Variants in WDR3 observed in about 807,000 individuals in gnomAD.
WDR3 encodes WD repeat-containing protein 3.
Under a neutral mutation model 123.7 loss-of-function variants are expected in WDR3, and 81 were observed. The observed-to-expected ratio is 0.65, with a 90% CI of 0.55 to 0.79. The LOEUF (loss-of-function observed/expected upper bound fraction) is 0.79. Among genes scored for constraint, WDR3 ranks in the 30% least tolerant of loss-of-function variants. The pLI is 0.00. For missense variants in WDR3, 1,027 were observed against 1,123.2 expected (o/e 0.91, Z 1.22); for synonymous variants, 390 against 388.8 (o/e 1.00, Z -0.04).
chr1:117,933,676 A>G (rs982795934), intron 2 of WDR3, 186 bp downstream of exon 2: 1 of 716,504 alleles, frequency 1.4e-6, no homozygotes, highest in African/African-American at 1.8e-5. Flanking sequence ...TCGCCACTGA[A>G]TTCTGAAAAC....
intron 10 of WDR3, among the ~76,000 whole-genome samples, chr1:117,942,911 T>G (rs952401592): frequency 4.0e-5 from 6 of 151,116 alleles, no homozygotes; most frequent in Non-Finnish European, 7.4e-5. Context: ...TTTTTTTTTT[T>G]TTACTTAAAA....
rs967854725 is a variant in WDR3, at chr1:117,952,476, C to G, written c.2017-52C>G. On this transcript the variant is annotated intron_variant, in intron 18 of 26. Transcript: ENST00000349139. ...CTTTTAAGAATATTTACATTACCCA[C>G]TAAGTAGTGGTCAATGAATGAGGTA... The G allele has an allele frequency of 5.8e-5, 93 of 1,599,786 alleles. 2 individuals carry two copies. In the South Asian group the frequency reaches 1.0e-3, roughly 18 times the overall value.
intron 10 of WDR3, among the ~76,000 whole-genome samples, chr1:117,942,902 T>TTC: frequency 1.3e-5 from 2 of 151,026 alleles, no homozygotes; most frequent in East Asian, 3.9e-4. Context: ...TTTTTTTTTT[T>TTC]TTTTTTTTTT....
At chr1:117,952,740 G>A (rs1651677577) in intron 19 of WDR3, 78 bp downstream of exon 19, 1 of 1,556,966 alleles carries the variant, frequency 6.4e-7, no homozygotes, top group Non-Finnish European at 8.7e-7. Context: ...TCTGTCTAGT[G>A]CAGTTACACC....
At chr1:117,951,508 C>CTTTTTTTTTTTT (rs60053262) in intron 16 of WDR3, among the ~76,000 whole-genome samples, 1 of 128,794 alleles carries the variant, frequency 7.8e-6, no homozygotes, top group Non-Finnish European at 1.7e-5. Context: ...AAATGTATTT[C>CTTTTTTTTTTTT]TTTTTTTTTT....
intron 12 of WDR3, 87 bp from the exon 13 acceptor site, chr1:117,948,312 TTGGTTA>T: frequency 9.6e-7 from 1 of 1,038,028 alleles, no homozygotes; most frequent in Non-Finnish European, 1.4e-6. Flanking sequence ...TTTTTGCAGC[TTGGTTA>T]TGAAGTCTTT....
chr1:117,948,498 C>A lies in WDR3; in HGVS notation c.1516C>A (p.Pro506Thr). The A allele has an allele frequency of 6.2e-7, 1 of 1,613,136 alleles. No homozygotes were observed. Among genetic ancestry groups the A allele is most frequent in the Non-Finnish European group, 8.5e-7 (1 of 1,179,510 alleles). ...AGCTTTGTGGTCCATGTCCCTCTCT[C>A]CAGATCAGGTAACTAAACCAGATTT... The part of the protein sequence containing the change: ...DGALWSMSLS[P>T]DQRGFVTGGA... Residue 506 changes from proline to threonine, a missense_variant, in exon 13 of 27, where the codon CCA becomes ACA. Pro to Thr is a conservative substitution (Grantham distance 38, BLOSUM62 -1). Coordinates refer to ENST00000349139, the MANE Select transcript of WDR3 (RefSeq NM_006784.3).
At position 117,946,116 on chromosome 1, in the gene WDR3, C is replaced by G. The variant is rs752060186; in HGVS notation, c.1359C>G (p.Thr453=). Residue 453 remains threonine, a synonymous_variant, in exon 12 of 27, where the codon ACC becomes ACG. Coordinates refer to ENST00000349139, the MANE Select transcript of WDR3 (RefSeq NM_006784.3). ...RSTLQCIRTM[T]CEYALCSFFV... is the part of the protein sequence containing the mutation. ...CACTGCAGTGTATTCGCACAATGAC[C>G]TGTGAATATGCACTTTGCTCATTCT... The G allele has an allele frequency of 2.7e-5, 44 of 1,612,838 alleles. No homozygotes were observed. The highest frequency in any genetic ancestry group is 3.6e-5 in the Non-Finnish European group (42 of 1,179,330).
chr1:117,943,223 G>A (rs1651242574), intron 10 of WDR3, among the ~76,000 whole-genome samples, 173 bp from the exon 11 acceptor site: 1 of 152,152 alleles, frequency 6.6e-6, no homozygotes, highest in African/African-American at 2.4e-5. Context: ...AACATGCTGG[G>A]ATTACAGGCG....
chr1:117,946,198 TG>T lies in WDR3; in HGVS notation c.1422+22del. 2 of 1,576,744 alleles carry T rather than the reference TG, an allele frequency of 1.3e-6. No individual in the cohort carries two copies. The highest frequency in any genetic ancestry group is 1.8e-5 in the Admixed American group (1 of 55,810). On this transcript the variant is annotated intron_variant, in intron 12 of 26. Transcript: ENST00000349139. ...AACAAAGGTAAATGGAGACTTTTTC[TG>T]GGATATCTGGATCTTTTCTACTCAA...
intron 8 of WDR3, among the ~76,000 whole-genome samples, 181 bp downstream of exon 8, chr1:117,941,406 C>T (rs34127339): frequency 0.011 from 1,674 of 152,212 alleles, 17 homozygotes; most frequent in Middle Eastern, 0.024. Context: ...TTAATAATTA[C>T]TATTAGGTTG....
At chr1:117,955,138 G>A (rs760079468) in intron 23 of WDR3, 177 bp from the exon 24 acceptor site, 27 of 496,430 alleles carry the variant, frequency 5.4e-5, no homozygotes, top group Non-Finnish European at 8.5e-5. Flanking sequence ...GTAAGGGGCA[G>A]AGTTCAGTTG....
At chr1:117,951,838 T>G (rs775082161) in intron 16 of WDR3, 138 bp from the exon 17 acceptor site, 11 of 756,846 alleles carry the variant, frequency 1.5e-5, no homozygotes, top group Non-Finnish European at 2.3e-5. Flanking sequence ...GAATTCAGTG[T>G]TTTTAGTAGA....
intron 3 of WDR3, among the ~76,000 whole-genome samples, chr1:117,935,064 T>C (rs1370240020): frequency 6.6e-6 from 1 of 152,174 alleles, no homozygotes; most frequent in East Asian, 1.9e-4. Context: ...AGTCATGAGT[T>C]AGAAAATATA....
At chr1:117,947,902 C>G (rs34154653) in intron 12 of WDR3, among the ~76,000 whole-genome samples, 6,662 of 151,906 alleles carry the variant, frequency 0.044, 308 homozygotes, top group South Asian at 0.12. Flanking sequence ...TTTTTAAATT[C>G]ACTGCCTTCC....
chr1:117,955,472 C>T (rs1652064360), intron 24 of WDR3, 114 bp downstream of exon 24: 1 of 975,314 alleles, frequency 1.0e-6, no homozygotes, highest in African/African-American at 1.7e-5. Flanking sequence ...ATAGGTTTAA[C>T]TATATCAAAG....
In WDR3 at chr1:117,965,558, C is replaced by T. The variant is rs1557841758; in HGVS notation, c.*6111C>T. The T allele has an allele frequency of 1.3e-5, 2 of 152,206 alleles. No homozygotes were observed. The highest frequency in any genetic ancestry group is 1.5e-5 in the Non-Finnish European group (1 of 68,056). The allele number at this position is 152,206 out of a possible 1,614,324, so 9.4% of individuals were successfully genotyped here. A position where few individuals can be genotyped will look rare whatever the true frequency, so the allele number is the denominator to read the frequency against. On this transcript the variant is annotated 3_prime_UTR_variant, in exon 27 of 27. Transcript: ENST00000349139. ...ACCTCAGATTTTGCAGTTTCCTTCC[C>T]CCACCATGTCTTTCATTCATGTCCC...
rs1651016019 is a variant in WDR3, at chr1:117,938,397, C to T, written c.501-83C>T. On this transcript the variant is annotated intron_variant, in intron 4 of 26. Coordinates refer to ENST00000349139, the MANE Select transcript of WDR3 (RefSeq NM_006784.3). ...ATTGAAGCATATGTTCCTTTTAAAG[C>T]AACAGTGAGTTTTGGATCTCCCTAT... 13 of 1,072,854 alleles carry T rather than the reference C, an allele frequency of 1.2e-5. No homozygotes were observed. The South Asian group carries it at 1.8e-4, about 15-fold the overall frequency. The allele number at this position is 1,072,854 out of a possible 1,614,324, so 66.5% of individuals were successfully genotyped here. A position where few individuals can be genotyped will look rare whatever the true frequency, so the allele number is the denominator to read the frequency against.
chr1:117,940,689 T>C, intron 6 of WDR3, 138 bp from the exon 7 acceptor site: 3 of 736,990 alleles, frequency 4.1e-6, no homozygotes, highest in Non-Finnish European at 6.8e-6. Flanking sequence ...GATCATGCCA[T>C]TGCACTCCAG....
Sources: gnomAD v4.1 joint callset for allele counts (sites outside exome capture counted in the v4.1 genomes callset) on GRCh38, gnomAD v4.1.1 for gene constraint, MANE v1.5 for transcripts, NCBI Gene and HGNC (gene_info 2026-07-23, HGNC 2026-07-21) for gene names.